DENND6A: variants seen among roughly 807,000 people sequenced by gnomAD.
DENND6A encodes DENN domain containing 6A.
In DENND6A, 43 loss-of-function variants were observed where a neutral mutation model predicts 95.5. The observed-to-expected ratio is 0.45, with a 90% CI of 0.35 to 0.58. DENND6A has a LOEUF of 0.58. DENND6A is among the 20% of genes least tolerant of loss of function. The pLI, the probability that DENND6A is intolerant of heterozygous loss-of-function variation, is 0.00. For synonymous variants in DENND6A, 257 were observed against 260.4 expected (o/e 0.99, Z 0.13); for missense variants, 574 against 736.0 (o/e 0.78, Z 2.55).
intron 15 of DENND6A, among the ~76,000 whole-genome samples, chr3:57,631,823 T>C (rs139343805): frequency 0.14 from 19,427 of 142,018 alleles, 1,381 homozygotes; most frequent in South Asian, 0.22. Context: ...CTTGGGTTCA[T>C]GCCATTCTCC....
At chr3:57,667,096 T>C (rs892333496) in intron 3 of DENND6A, among the ~76,000 whole-genome samples, 1 of 152,128 alleles carries the variant, frequency 6.6e-6, no homozygotes, top group Non-Finnish European at 1.5e-5. Context: ...TGGCGGGATC[T>C]AGGCTCACTG....
intron 18 of DENND6A, among the ~76,000 whole-genome samples, chr3:57,629,943 T>C (rs953193621): frequency 3.9e-5 from 6 of 152,198 alleles, no homozygotes; most frequent in Admixed American, 2.6e-4. Flanking sequence ...TGCTGGTAAA[T>C]ATTTAACAAG....
At position 57,670,201 on chromosome 3, in the gene DENND6A, T is replaced by C. The variant is rs1344886835; in HGVS notation, c.319+2055A>G. Among the ~76,000 whole-genome samples, 10 of 152,282 alleles carry C rather than the reference T, an allele frequency of 6.6e-5. No individual in the cohort carries two copies. The South Asian group carries it at 1.9e-3, about 28-fold the overall frequency. On this transcript the variant is annotated intron_variant, in intron 3 of 19. Coordinates refer to ENST00000311128, the MANE Select transcript of DENND6A (RefSeq NM_152678.3). ...GTATGCATGCGGGGGACTTTTCCTC[T>C]ACCATCTTAGGTTCACTAACTGGGG...
chr3:57,631,714 CTCTTT>C (rs1019728113), intron 15 of DENND6A, among the ~76,000 whole-genome samples: 5 of 143,080 alleles, frequency 3.5e-5, no homozygotes, highest in Non-Finnish European at 6.1e-5. Context: ...GGTCTCTGCT[CTCTTT>C]TTTTTTTTTT....
At chr3:57,692,251 C>A (rs1444838116) in intron 1 of DENND6A, among the ~76,000 whole-genome samples, 1,901 of 108,576 alleles carry the variant, frequency 0.018, 45 homozygotes, top group African/African-American at 0.057. Flanking sequence ...AAAAAAAAAA[C>A]AGAAATGAGG....
At chr3:57,676,699 A>C (rs2071715213) in intron 1 of DENND6A, among the ~76,000 whole-genome samples, 2 of 152,238 alleles carry the variant, frequency 1.3e-5, no homozygotes, top group Admixed American at 6.5e-5. Flanking sequence ...AGTACAAATA[A>C]TATGACAAGG....
chr3:57,684,301 A>G (rs1310260670), intron 1 of DENND6A, among the ~76,000 whole-genome samples: 1 of 152,008 alleles, frequency 6.6e-6, no homozygotes, highest in East Asian at 1.9e-4. Context: ...CGTCTCTACT[A>G]AAAATACAAA....
Position 57,628,204 on chromosome 3 carries a change from T to C in DENND6A, c.*10A>G, listed in dbSNP as rs374181329. On this transcript the variant is annotated 3_prime_UTR_variant, in exon 20 of 20. Transcript: ENST00000311128. ...CATAATCCTTTTTGGCTGGAAAATC[T>C]TGGCAAATATCATGTCATGCCCGTT... The C allele has an allele frequency of 9.4e-5, 152 of 1,609,214 alleles. No homozygotes were observed. The highest frequency in any genetic ancestry group is 1.2e-4 in the Non-Finnish European group (141 of 1,177,960).
chr3:57,640,515 C>T (rs2070906263), intron 12 of DENND6A, among the ~76,000 whole-genome samples: 1 of 149,904 alleles, frequency 6.7e-6, no homozygotes, highest in African/African-American at 2.5e-5. Context: ...AACACTTGAA[C>T]CTGGGAGAGC....
chr3:57,629,904 G>C (rs1199730568), intron 18 of DENND6A, among the ~76,000 whole-genome samples: 2 of 152,112 alleles, frequency 1.3e-5, no homozygotes, highest in Non-Finnish European at 1.5e-5. Flanking sequence ...AGGCTTCTTG[G>C]ATTAGAATCC....
At chr3:57,659,265 C>A (rs2071382142) in intron 7 of DENND6A, 85 bp from the exon 8 acceptor site, 1 of 1,415,358 alleles carries the variant, frequency 7.1e-7, no homozygotes, top group African/African-American at 1.4e-5. Context: ...AAGGTATGGT[C>A]AGTAATGCCA....
chr3:57,662,088 G>A (rs1553742386), intron 5 of DENND6A, among the ~76,000 whole-genome samples: 1 of 151,304 alleles, frequency 6.6e-6, no homozygotes, highest in Non-Finnish European at 1.5e-5. Context: ...AGCAGTCAGG[G>A]CAAATTCTGA....
At chr3:57,643,138 T>C (rs1000457669) in intron 11 of DENND6A, among the ~76,000 whole-genome samples, 2 of 151,288 alleles carry the variant, frequency 1.3e-5, no homozygotes, top group African/African-American at 4.9e-5. Flanking sequence ...AAGGGAGCAA[T>C]AGAAAGAAGA....
intron 2 of DENND6A, 24 bp from the exon 3 acceptor site, chr3:57,672,322 G>A: frequency 7.5e-6 from 12 of 1,609,684 alleles, no homozygotes; most frequent in African/African-American, 1.3e-5. Flanking sequence ...CAAAAGTGAT[G>A]TATGCTGACA....
intron 7 of DENND6A, 142 bp from the exon 8 acceptor site, chr3:57,659,322 G>T: frequency 1.3e-6 from 1 of 779,550 alleles, no homozygotes; most frequent in Non-Finnish European, 2.1e-6. Context: ...TAAAAACTAA[G>T]GTCATATTTA....
At chr3:57,643,565 C>G (rs879294052) in intron 11 of DENND6A, among the ~76,000 whole-genome samples, 26 of 152,024 alleles carry the variant, frequency 1.7e-4, no homozygotes, top group Non-Finnish European at 3.2e-4. Flanking sequence ...CGGTGGCTCA[C>G]GTCTGTAATC....
chr3:57,631,716 CTTTTTTTTTT>C (rs1156532234), intron 15 of DENND6A, among the ~76,000 whole-genome samples: 1 of 92,016 alleles, frequency 1.1e-5, no homozygotes, highest in East Asian at 4.0e-4. Context: ...TCTCTGCTCT[CTTTTTTTTTT>C]TTTTTTTTTT....
chr3:57,641,130 T>C (rs2070920804), intron 12 of DENND6A, among the ~76,000 whole-genome samples: 1 of 148,132 alleles, frequency 6.8e-6, no homozygotes, highest in Non-Finnish European at 1.5e-5. Flanking sequence ...TCTATATATA[T>C]AGAAAGTTCT....
intron 9 of DENND6A, among the ~76,000 whole-genome samples, chr3:57,656,374 T>C (rs371322706): frequency 1.2e-3 from 190 of 152,352 alleles, no homozygotes; most frequent in Non-Finnish European, 2.0e-3. Context: ...TTTTAACTGC[T>C]GAATAGTATT....
Sources: gnomAD v4.1 joint callset for allele counts (sites outside exome capture counted in the v4.1 genomes callset) on GRCh38, gnomAD v4.1.1 for gene constraint, MANE v1.5 for transcripts, NCBI Gene and HGNC (gene_info 2026-07-23, HGNC 2026-07-21) for gene names.